The following ABCA1 variants were observed in gnomAD, a reference collection of about 807,000 sequenced individuals.
The protein encoded by ABCA1 is phospholipid-transporting ATPase ABCA1.
ABCA1 carries 133 observed loss-of-function variants against 262.5 expected under a neutral mutation model. The ratio of observed to expected loss-of-function variants is 0.51; its 90% CI spans 0.44 to 0.59. The LOEUF (loss-of-function observed/expected upper bound fraction) is 0.59. Among genes scored for constraint, ABCA1 ranks in the 20% least tolerant of loss-of-function variants. ABCA1 has a pLI of 0.00. For missense variants in ABCA1, 2,452 were observed against 2,777.5 expected (o/e 0.88, Z 2.63); for synonymous variants, 1,022 against 1,043.5 (o/e 0.98, Z 0.40).
In ABCA1 at chr9:104,903,699, C is replaced by G; in HGVS notation, c.-20G>C. The G allele has an allele frequency of 1.3e-6, 2 of 1,570,576 alleles. No homozygotes were observed. Among genetic ancestry groups the G allele is most frequent in the Non-Finnish European group, 8.6e-7 (1 of 1,157,324 alleles). ...AGCCATGTTCCCTCAGCCAGCACCC[C>G]CAGCGTGTGGCTCGGGAGCCCTGGA... On this transcript the variant is annotated 5_prime_UTR_variant, in exon 2 of 50. Coordinates refer to ENST00000374736, the MANE Select transcript of ABCA1 (RefSeq NM_005502.4).
intron 12 of ABCA1, among the ~76,000 whole-genome samples, chr9:104,832,107 T>G (rs183777218): frequency 4.2e-4 from 64 of 152,340 alleles, no homozygotes; most frequent in African/African-American, 1.4e-3. Flanking sequence ...CTTTTCTGTT[T>G]TCTTAGCAAT....
chr9:104,858,023 G>A (rs997322366), intron 7 of ABCA1, among the ~76,000 whole-genome samples: 1 of 152,084 alleles, frequency 6.6e-6, no homozygotes, highest in Non-Finnish European at 1.5e-5. Flanking sequence ...AACTTCGTCG[G>A]AATTTTTCTT....
intron 48 of ABCA1, 103 bp downstream of exon 48, chr9:104,786,195 G>T: frequency 9.8e-7 from 1 of 1,017,998 alleles, no homozygotes; most frequent in Non-Finnish European, 1.5e-6. Flanking sequence ...GTTTTGCTCA[G>T]TTTTATTTCC....
At chr9:104,919,372 G>A (rs1842013379) in intron 1 of ABCA1, among the ~76,000 whole-genome samples, 1 of 152,160 alleles carries the variant, frequency 6.6e-6, no homozygotes, top group Non-Finnish European at 1.5e-5. Flanking sequence ...AGCACTCTGG[G>A]AAGCCAAGGT....
chr9:104,855,868 A>G, intron 7 of ABCA1: 4 of 1,612,762 alleles, frequency 2.5e-6, no homozygotes, highest in Admixed American at 1.7e-5. Context: ...GAAACTCACA[A>G]TACCCTTGGC....
At chr9:104,788,628 T>A in intron 44 of ABCA1, 61 bp from the exon 45 acceptor site, 1 of 1,586,782 alleles carries the variant, frequency 6.3e-7, no homozygotes, top group African/African-American at 1.3e-5. Flanking sequence ...GGTTAGACAA[T>A]CTGGCCTAAT....
chr9:104,920,478 T>C (rs1056711066), intron 1 of ABCA1, among the ~76,000 whole-genome samples: 1 of 152,210 alleles, frequency 6.6e-6, no homozygotes, highest in Admixed American at 6.5e-5. Context: ...TAACATGGGA[T>C]AAAGACAATT....
chr9:104,894,921 G>A (rs1483937613), intron 2 of ABCA1, among the ~76,000 whole-genome samples: 2 of 152,160 alleles, frequency 1.3e-5, no homozygotes, highest in African/African-American at 2.4e-5. Flanking sequence ...CCAAACCCAG[G>A]GGAATGTTCC....
intron 2 of ABCA1, among the ~76,000 whole-genome samples, chr9:104,890,602 G>A (rs1271650535): frequency 6.6e-6 from 1 of 150,970 alleles, no homozygotes; most frequent in African/African-American, 2.4e-5. Context: ...AAAAAAAAAA[G>A]CAAAGATTTT....
At chr9:104,906,597 C>T (rs1841159424) in intron 1 of ABCA1, among the ~76,000 whole-genome samples, 1 of 151,996 alleles carries the variant, frequency 6.6e-6, no homozygotes, top group South Asian at 2.1e-4. Context: ...GCACAATTTG[C>T]TCCCCCAACT....
intron 8 of ABCA1, among the ~76,000 whole-genome samples, chr9:104,840,957 CATT>C (rs1834309979): frequency 6.6e-6 from 1 of 152,174 alleles, no homozygotes; most frequent in Non-Finnish European, 1.5e-5. Context: ...AGCTACATCT[CATT>C]GTGGTTGAGC....
chr9:104,818,264 A>G (rs1326308128), intron 23 of ABCA1, among the ~76,000 whole-genome samples: 1 of 152,202 alleles, frequency 6.6e-6, no homozygotes, highest in Non-Finnish European at 1.5e-5. Flanking sequence ...CTGGCATGAA[A>G]TCAGTGCCTA....
At chr9:104,846,079 A>C (rs1199062370) in intron 7 of ABCA1, among the ~76,000 whole-genome samples, 1 of 152,260 alleles carries the variant, frequency 6.6e-6, no homozygotes, top group East Asian at 1.9e-4. Flanking sequence ...TTATTTTTAC[A>C]TCGAGTTTTA....
At chr9:104,872,611 T>G (rs1301466791) in intron 5 of ABCA1, among the ~76,000 whole-genome samples, 1 of 152,218 alleles carries the variant, frequency 6.6e-6, no homozygotes, top group Non-Finnish European at 1.5e-5. Flanking sequence ...TAATAATATA[T>G]GAAAAATGTA....
chr9:104,866,442 TC>T (rs1837094825), intron 5 of ABCA1, among the ~76,000 whole-genome samples: 1 of 151,578 alleles, frequency 6.6e-6, no homozygotes. Flanking sequence ...GCCCTGGCCT[TC>T]CCATCCTCAA....
chr9:104,860,544 G>A (rs1836275171), intron 6 of ABCA1, among the ~76,000 whole-genome samples: 2 of 152,100 alleles, frequency 1.3e-5, no homozygotes, highest in South Asian at 4.1e-4. Flanking sequence ...AAGCTAGTAT[G>A]CAGACACGAG....
chr9:104,925,149 C>T (rs554630923), intron 1 of ABCA1, among the ~76,000 whole-genome samples: 6 of 152,084 alleles, frequency 3.9e-5, no homozygotes, highest in Non-Finnish European at 7.4e-5. Context: ...GAGGCCGAGG[C>T]GGGTGGATCA....
chr9:104,828,832 T>C (rs1833013257), intron 15 of ABCA1, 84 bp downstream of exon 15: 1 of 1,387,188 alleles, frequency 7.2e-7, no homozygotes, highest in Non-Finnish European at 1.0e-6. Flanking sequence ...GAGGCTTGGA[T>C]TTTTTTTCTT....
intron 5 of ABCA1, 90 bp from the exon 6 acceptor site, chr9:104,861,890 CATA>C: frequency 8.3e-7 from 1 of 1,202,098 alleles, no homozygotes. Flanking sequence ...GAAACGTTAT[CATA>C]ATATTGATGA....
Sources: allele counts gnomAD v4.1 joint callset (sites outside exome capture counted in the v4.1 genomes callset), GRCh38; gene constraint gnomAD v4.1.1; transcripts MANE v1.5; gene names NCBI Gene and HGNC (gene_info 2026-07-23, HGNC 2026-07-21).